CPT1C: variants seen among roughly 807,000 people sequenced by gnomAD.
CPT1C encodes the protein palmitoyl thioesterase CPT1C.
A neutral mutation model predicts 97.3 loss-of-function variants in CPT1C; 61 were observed. That is an observed-to-expected ratio of 0.63 (90% CI 0.51 to 0.78). CPT1C has a LOEUF of 0.78. Ranked by LOEUF, CPT1C falls within the 30% of genes least tolerant of loss-of-function variation. The pLI, the probability that CPT1C is intolerant of heterozygous loss-of-function variation, is 0.00. For synonymous variants in CPT1C, 469 were observed against 447.2 expected, an observed-to-expected ratio of 1.05 and a Z score of -0.61; for missense variants, 975 against 1,065.5, an observed-to-expected ratio of 0.92 and a Z score of 1.18.
At chr19:49,699,436 C>A (rs2082863000) in intron 4 of CPT1C, among the ~76,000 whole-genome samples, 1 of 98,126 alleles carries the variant, frequency 1.0e-5, no homozygotes, top group South Asian at 3.8e-4. Flanking sequence ...CCAGCCTGGG[C>A]AACATAGAGA....
intron 14 of CPT1C, 143 bp from the exon 15 acceptor site, chr19:49,710,177 A>G: frequency 1.2e-6 from 1 of 806,588 alleles, no homozygotes; most frequent in Non-Finnish European, 2.0e-6. Flanking sequence ...TCATCCTTCA[A>G]TTCTCTTCTC....
rs144430094 is a variant in CPT1C at position 49,697,398 on chromosome 19, G to A, written c.214G>A (p.Ala72Thr). The A allele has an allele frequency of 8.7e-6, 14 of 1,614,146 alleles. No homozygotes were observed. In the African/African-American group the frequency reaches 1.7e-4, roughly 20 times the overall value. Reference protein sequence around the residue: ...WLFLFSAIQLAWFLQLDPSLG... With the variant: ...WLFLFSAIQLTWFLQLDPSLG... ...TTTCCTCTTCAGTGCCATCCAGCTT[G>A]CCTGGTTCCTCCAGCTGGATCCTTC... Residue 72 changes from alanine (A) to threonine (T), a missense_variant, in exon 4 of 20, where the codon GCC becomes ACC. Physicochemically the swap from Ala to Thr is moderately conservative, Grantham distance 58 (BLOSUM62 0). Transcript: ENST00000598293.
At position 49,707,483 on chromosome 19, in the gene CPT1C, C is replaced by T. The variant is rs376399728; in HGVS notation, c.1344-35C>T. On this transcript the variant is annotated intron_variant, in intron 12 of 19. Transcript: ENST00000598293. ...AGCACTCTGAGGTCCCCGTGCCCCT[C>T]GCTCTTGGTGACCCATCTGAACTCT... is the stretch of plus-strand genomic sequence containing the variant. 13 of 1,512,746 alleles carry T rather than the reference C, an allele frequency of 8.6e-6. 1 individual carries two copies. The highest frequency in any genetic ancestry group is 4.5e-5 in the South Asian group (4 of 88,804). The allele number at this position is 1,512,746 out of a possible 1,614,324, so 93.7% of individuals were successfully genotyped here. A position where few individuals can be genotyped will look rare whatever the true frequency, so the allele number is the denominator to read the frequency against.
chr19:49,690,874 C>T (rs542408081), upstream of CPT1C: 1 of 180,590 alleles, frequency 5.5e-6, no homozygotes, highest in Admixed American at 6.2e-5. The surrounding 1 kb of genome is among the most constrained non-coding windows in gnomAD (Gnocchi z 4.4). Context: ...GACCTCCCAG[C>T]TGAGCCTTGT....
rs1600123313 is a variant in CPT1C at position 49,706,918 on chromosome 19, G to T, written c.1343+505G>T. ...CACTGAATTCCTAGGCCCCAGGGGG[G>T]TCCCGCTGACCTCCCAGCACCCCCA... On this transcript the variant is annotated intron_variant, in intron 12 of 19. Transcript: ENST00000598293. This position sits in a 1 kb window ranked among gnomAD's most constrained non-coding sequence, Gnocchi z 4.8. Among the ~76,000 whole-genome samples the T allele has an allele frequency of 6.6e-6, 1 of 152,114 alleles. No individual in the cohort carries two copies. The highest frequency in any genetic ancestry group is 1.9e-4 in the East Asian group (1 of 5,186).
At chr19:49,704,530 G>A (rs2083391151) in intron 7 of CPT1C, among the ~76,000 whole-genome samples, 180 bp from the exon 8 acceptor site, 2 of 152,144 alleles carry the variant, frequency 1.3e-5, no homozygotes, top group African/African-American at 2.4e-5. Context: ...ACAGGGTTTA[G>A]CTAACTGATC....
rs998910020 is a variant in CPT1C at position 49,713,597 on chromosome 19, G to A, written c.2404G>A (p.Asp802Asn). The A allele has an allele frequency of 3.1e-6, 5 of 1,608,158 alleles. No homozygotes were observed. Among genetic ancestry groups the A allele is most frequent in the South Asian group, 2.2e-5 (2 of 90,338 alleles). Reference sequence around the variant, plus strand: ...CTCCAAGGCCTCAATGACATCCACCGACTTCTGACTCCTTCCAGCAGGCAG... The same window carrying A: ...CTCCAAGGCCTCAATGACATCCACCAACTTCTGACTCCTTCCAGCAGGCAG... ...GASKASMTST[D>N]F The change falls in exon 20 of 20, where the codon GAC becomes AAC. Residue 802 changes from aspartate to asparagine, a missense_variant. Asp to Asn is a conservative substitution (Grantham distance 23). This residue lies in a region of CPT1C where 344 missense variants were observed against 395.7 expected (regional missense o/e 0.87). Transcript: ENST00000598293.
At chr19:49,707,010 C>T (rs965782172) in intron 12 of CPT1C, among the ~76,000 whole-genome samples, 1 of 152,162 alleles carries the variant, frequency 6.6e-6, no homozygotes, top group Non-Finnish European at 1.5e-5. Flanking sequence ...CATGGTGGCT[C>T]ATGCCTGTAG....
chr19:49,694,567 T>G (rs760450466), intron 3 of CPT1C, among the ~76,000 whole-genome samples: 1 of 147,946 alleles, frequency 6.8e-6, no homozygotes, highest in Admixed American at 6.8e-5. Context: ...AGGCAGAGAT[T>G]GCAGTGAGCC....
intron 4 of CPT1C, among the ~76,000 whole-genome samples, chr19:49,698,575 A>G (rs1422957729): frequency 2.0e-5 from 3 of 151,908 alleles, no homozygotes; most frequent in Non-Finnish European, 4.4e-5. Context: ...AGGCAGGATA[A>G]TCACTTGAAC....
At chr19:49,702,114 T>TTATTTATAAATTATAAATATA (rs1568521865) in intron 7 of CPT1C, among the ~76,000 whole-genome samples, 260 of 11,488 alleles carry the variant, frequency 0.023, 3 homozygotes, top group East Asian at 0.036. Flanking sequence ...AAATATATAT[T>TTATTTATAAATTATAAATATA]TATTTATTTA....
chr19:49,701,606 G>A lies in CPT1C; in HGVS notation c.665G>A (p.Arg222Gln), dbSNP rs1203835494. 3.1e-6 allele frequency: 5 copies of A among 1,608,340 alleles called. No individual in the cohort carries two copies. The highest frequency in any genetic ancestry group is 1.7e-5 in the Admixed American group (1 of 59,656). The change falls in exon 7 of 20, where the codon CGG becomes CAG. Residue 222 changes from arginine (R) to glutamine (Q), a missense_variant. Physicochemically the swap from Arg to Gln is conservative, Grantham distance 43. Transcript: ENST00000598293. ...GCGTCGCTGCTGCAGTGGTACCTGCGGCTCAAGTCCTGGTGGGCGTCCAAT... is the reference window on the plus strand; with the variant it reads ...GCGTCGCTGCTGCAGTGGTACCTGCAGCTCAAGTCCTGGTGGGCGTCCAAT... ...LQASLLQWYLRLKSWWASNYV... is the reference protein window; with the variant it reads ...LQASLLQWYLQLKSWWASNYV...
intron 4 of CPT1C, among the ~76,000 whole-genome samples, chr19:49,699,457 TAAAAAAAAAAAAAAA>T (rs71180647): frequency 0.026 from 909 of 35,394 alleles, 18 homozygotes; most frequent in Admixed American, 0.059. Flanking sequence ...CCCCTGTCTC[TAAAAAAAAAAAAAAA>T]AAAAAAAAAA....
intron 3 of CPT1C, among the ~76,000 whole-genome samples, chr19:49,692,795 C>G (rs1341345909): frequency 2.0e-5 from 3 of 152,204 alleles, no homozygotes; most frequent in Non-Finnish European, 4.4e-5. Flanking sequence ...GGCGGGATCT[C>G]AGCTCACTGC....
intron 4 of CPT1C, among the ~76,000 whole-genome samples, chr19:49,699,457 TAAAAAAAAAAAAAA>T (rs71180647): frequency 4.5e-4 from 16 of 35,296 alleles, no homozygotes; most frequent in African/African-American, 1.0e-3. Flanking sequence ...CCCCTGTCTC[TAAAAAAAAAAAAAA>T]AAAAAAAAAA....
chr19:49,700,010 T>G (rs755060071), intron 4 of CPT1C, among the ~76,000 whole-genome samples: 25 of 150,258 alleles, frequency 1.7e-4, no homozygotes, highest in South Asian at 4.2e-4. Context: ...CACTTTGGGA[T>G]GCCAAGGCAG....
chr19:49,710,513 C>T (rs575642365), intron 15 of CPT1C, 29 bp downstream of exon 15: 138 of 1,613,828 alleles, frequency 8.6e-5, no homozygotes, highest in South Asian at 3.0e-4. Flanking sequence ...CCACAGCCCC[C>T]GCAGGGTCTC....
intron 10 of CPT1C, 145 bp downstream of exon 10, chr19:49,705,443 A>G (rs2123407969): frequency 2.6e-5 from 18 of 681,392 alleles, no homozygotes; most frequent in Middle Eastern, 3.5e-4. Flanking sequence ...TCTGAGCCTC[A>G]GCTTCCACTA....
chr19:49,703,297 C>G (rs1340939508), intron 7 of CPT1C, among the ~76,000 whole-genome samples: 1 of 151,622 alleles, frequency 6.6e-6, no homozygotes, highest in Non-Finnish European at 1.5e-5. Context: ...GCAAGCTCTA[C>G]CTCCCAGGTT....
Sources: allele counts gnomAD v4.1 joint callset (sites outside exome capture counted in the v4.1 genomes callset), GRCh38; gene constraint gnomAD v4.1.1; regional missense constraint gnomAD v4.1.1; non-coding constraint Gnocchi (gnomAD v3.1); transcripts MANE v1.5; gene names NCBI Gene and HGNC (gene_info 2026-07-23, HGNC 2026-07-21).